The following ACOT1 variants were observed in gnomAD, a reference collection of about 807,000 sequenced individuals.
ACOT1 encodes the protein acyl-coenzyme A thioesterase 1.
Under a neutral mutation model 15.7 loss-of-function variants are expected in ACOT1, and 8 were observed. The observed-to-expected ratio is 0.51, with a 90% CI of 0.30 to 0.92. ACOT1 has a LOEUF of 0.92. Ranked by LOEUF, ACOT1 falls within the 40% of genes least tolerant of loss-of-function variation. The pLI, the probability that ACOT1 is intolerant of heterozygous loss-of-function variation, is 0.06. For synonymous variants in ACOT1, 67 were observed against 241.2 expected (o/e 0.28, Z 6.69); for missense variants, 151 against 539.4 (o/e 0.28, Z 7.13).
In ACOT1 at chr14:73,539,283, G is replaced by C. The variant is rs1478556777; in HGVS notation, c.457+1405G>C. On this transcript the variant is annotated intron_variant, in intron 1 of 2. Transcript: ENST00000311148. ...TCCGTCCTGTTACCATTCCAGGAGAGCAGCCACCTCCCTGTGCATGGCAGG... is the reference window on the plus strand; with the variant it reads ...TCCGTCCTGTTACCATTCCAGGAGACCAGCCACCTCCCTGTGCATGGCAGG... 8.6e-5 allele frequency: 10 copies of C among 115,842 alleles called. 1 individual carries two copies. The highest frequency in any genetic ancestry group is 2.3e-4 in the African/African-American group (8 of 35,334). The allele number at this position is 115,842 out of a possible 1,614,324, so 7.2% of individuals were successfully genotyped here.
the ACOT1 span, among the ~76,000 whole-genome samples, chr14:73,493,708 C>T: frequency 2.0e-5 from 3 of 152,090 alleles, no homozygotes; most frequent in Non-Finnish European, 2.9e-5. Context: ...CATAGTGGTG[C>T]GTGCCTGTAA....
At chr14:73,504,701 C>A in the ACOT1 span, among the ~76,000 whole-genome samples, 1 of 152,236 alleles carries the variant, frequency 6.6e-6, no homozygotes, top group East Asian at 1.9e-4. Flanking sequence ...CTTCCCATAT[C>A]AAAATGTCAG....
the ACOT1 span, among the ~76,000 whole-genome samples, chr14:73,511,565 A>T: frequency 5.6e-5 from 7 of 124,612 alleles, no homozygotes; most frequent in East Asian, 4.0e-4. Flanking sequence ...ATAAATAAAT[A>T]AAATAAAATA....
At chr14:73,506,540 A>C in the ACOT1 span, 2 of 1,613,768 alleles carry the variant, frequency 1.2e-6, no homozygotes, top group Non-Finnish European at 1.7e-6. Context: ...ACAGCTGTTC[A>C]GCTCCACAGC....
At chr14:73,492,991 ACTG>A in the ACOT1 span, 11 of 1,562,586 alleles carry the variant, frequency 7.0e-6, no homozygotes, top group Non-Finnish European at 6.9e-6. The surrounding 1 kb of genome is among the most constrained non-coding windows in gnomAD (Gnocchi z 4.9). Context: ...CTCCGCTGCC[ACTG>A]CTACCTTTTT....
At chr14:73,502,147 G>A in the ACOT1 span, among the ~76,000 whole-genome samples, 1 of 151,248 alleles carries the variant, frequency 6.6e-6, no homozygotes, top group Non-Finnish European at 1.5e-5. Context: ...TCCTGCTTCA[G>A]AGTCTCAAAG....
At chr14:73,498,203 T>A in the ACOT1 span, 1 of 1,613,928 alleles carries the variant, frequency 6.2e-7, no homozygotes, top group Non-Finnish European at 8.5e-7. Context: ...TAGGAAGGTG[T>A]CCCTGACCCG....
the ACOT1 span, chr14:73,509,297 C>A: frequency 6.2e-7 from 1 of 1,611,844 alleles, no homozygotes; most frequent in East Asian, 2.2e-5. Context: ...TCAGAAGTAA[C>A]AGGGAGTTAC....
At chr14:73,501,153 C>G in the ACOT1 span, among the ~76,000 whole-genome samples, 4 of 152,260 alleles carry the variant, frequency 2.6e-5, no homozygotes, top group Admixed American at 1.3e-4. Context: ...GAGTCTCGCT[C>G]TGTTGCCCAG....
the ACOT1 span, among the ~76,000 whole-genome samples, chr14:73,532,073 C>A: frequency 8.7e-6 from 1 of 114,906 alleles, no homozygotes; most frequent in African/African-American, 2.8e-5. Context: ...GTATGCGGCT[C>A]CATATTCTCC....
upstream of ACOT1, among the ~76,000 whole-genome samples, chr14:73,533,654 G>A (rs572230023): frequency 8.9e-6 from 1 of 111,914 alleles, no homozygotes; most frequent in South Asian, 2.9e-4. Context: ...ACTCCAGCCT[G>A]GGGGGACAGA....
chr14:73,493,603 C>T, the ACOT1 span, among the ~76,000 whole-genome samples: 55 of 151,890 alleles, frequency 3.6e-4, 1 homozygote, highest in Non-Finnish European at 6.5e-4. Flanking sequence ...TTTAGGAGGC[C>T]GAGGCGGGTG....
the ACOT1 span, chr14:73,491,212 A>G: frequency 1.3e-6 from 2 of 1,593,426 alleles, no homozygotes; most frequent in Non-Finnish European, 1.7e-6. Flanking sequence ...ACTCGGAGGA[A>G]TCGAGGGTGG....
chr14:73,508,221 C>G, the ACOT1 span: 1 of 1,614,058 alleles, frequency 6.2e-7, no homozygotes, highest in Non-Finnish European at 8.5e-7. Flanking sequence ...GGAGGATCCT[C>G]TTAATCACAG....
At chr14:73,519,581 C>CA in the ACOT1 span, among the ~76,000 whole-genome samples, 9 of 151,822 alleles carry the variant, frequency 5.9e-5, no homozygotes, top group Admixed American at 2.6e-4. Flanking sequence ...CCCGTCTCTA[C>CA]AAAAAATACA....
the ACOT1 span, among the ~76,000 whole-genome samples, chr14:73,517,961 C>G: frequency 2.0e-5 from 3 of 152,144 alleles, no homozygotes; most frequent in Admixed American, 2.0e-4. Context: ...TGGCGCGCAC[C>G]TGTAGTCCCA....
the ACOT1 span, chr14:73,492,071 G>T: frequency 6.2e-7 from 1 of 1,613,996 alleles, no homozygotes; most frequent in African/African-American, 1.3e-5. The surrounding 1 kb of genome is among the most constrained non-coding windows in gnomAD (Gnocchi z 4.9). Context: ...GCTGCAGCTG[G>T]AAGGTAGGAA....
chr14:73,508,336 T>C, the ACOT1 span: 2 of 1,596,634 alleles, frequency 1.3e-6, no homozygotes, highest in African/African-American at 1.3e-5. Flanking sequence ...TGGTGATGTG[T>C]TTTCCCCCTA....
chr14:73,506,150 A>C, the ACOT1 span, among the ~76,000 whole-genome samples: 2 of 152,030 alleles, frequency 1.3e-5, no homozygotes, highest in South Asian at 4.1e-4. Context: ...TGGCCTCCCC[A>C]AGTGCTGGGA....
Sources: gnomAD v4.1 joint callset for allele counts (sites outside exome capture counted in the v4.1 genomes callset) on GRCh38, gnomAD v4.1.1 for gene constraint, Gnocchi (gnomAD v3.1) non-coding constraint, MANE v1.5 for transcripts, NCBI Gene and HGNC (gene_info 2026-07-23, HGNC 2026-07-21) for gene names.